Variants in ASMT observed in about 807,000 individuals in gnomAD.
ASMT encodes the protein acetylserotonin N-methyltransferase.
A neutral mutation model predicts 41.3 loss-of-function variants in ASMT; 53 were observed. The ratio of observed to expected loss-of-function variants is 1.28; its 90% CI spans 1.03 to 1.61. ASMT has a LOEUF of 1.61. ASMT is among the 40% of genes most tolerant of loss of function. The pLI, the probability that ASMT is intolerant of heterozygous loss-of-function variation, is 0.00. For synonymous variants in ASMT, 231 were observed against 184.8 expected (o/e 1.25, Z -2.03); for missense variants, 531 against 441.3 (o/e 1.20, Z -1.82).
At chrX:1,625,809 C>T (rs1168990370) in intron 3 of ASMT, among the ~76,000 whole-genome samples, 80 of 151,526 alleles carry the variant, frequency 5.3e-4, no homozygotes, top group African/African-American at 1.8e-3. Context: ...AAAAAATTAG[C>T]CGGGCGTGGT....
At chrX:1,626,560 G>A (rs759857908) in intron 3 of ASMT, among the ~76,000 whole-genome samples, 11 of 152,196 alleles carry the variant, frequency 7.2e-5, no homozygotes, top group Admixed American at 1.3e-4. Flanking sequence ...ATCTGTGATG[G>A]GTTGTTATGC....
chrX:1,630,602 G>C (rs1297071541), intron 5 of ASMT, among the ~76,000 whole-genome samples: 7 of 151,938 alleles, frequency 4.6e-5, no homozygotes, highest in Admixed American at 4.6e-4. Context: ...TGTCACCCAG[G>C]CTCGAGTGCA....
intron 2 of ASMT, chrX:1,624,065 G>T (rs1234740752): frequency 5.3e-6 from 1 of 187,094 alleles, no homozygotes; most frequent in Non-Finnish European, 1.0e-5. Context: ...AACCGAACCC[G>T]ACGGGGGTGC....
intron 4 of ASMT, among the ~76,000 whole-genome samples, chrX:1,629,473 C>G (rs1362471135): frequency 3.9e-5 from 6 of 152,170 alleles, no homozygotes; most frequent in Non-Finnish European, 8.8e-5. Flanking sequence ...ACCTCCCACC[C>G]GCTTCCTGGA....
Position 1,627,749 on chromosome X carries a change from G to C in ASMT, c.421G>C (p.Glu141Gln). 1 of 1,613,996 alleles carries C rather than the reference G, an allele frequency of 6.2e-7. No individual in the cohort carries two copies. The highest frequency in any genetic ancestry group is 8.5e-7 in the Non-Finnish European group (1 of 1,179,864). The change falls in exon 4 of 9, where the codon GAG becomes CAG. Residue 141 changes from glutamate to glutamine, a missense_variant. By Grantham distance (29) the Glu-to-Gln change is conservative. Coordinates refer to ENST00000381241, the MANE Select transcript of ASMT (RefSeq NM_001171038.2). ...GGAGACGTTTGGCGTTCCCGCTGAA[G>C]AGCTTTTTACGGCCATCTACAGGTA... ...YLETFGVPAE[E>Q]LFTAIYRSEG...
intron 8 of ASMT, among the ~76,000 whole-genome samples, chrX:1,642,309 A>G (rs6644794): frequency 0.34 from 42,828 of 126,266 alleles, 7,046 homozygotes; most frequent in South Asian, 0.57. Flanking sequence ...TGAGGTCCAT[A>G]CATCCTGATG....
chrX:1,636,179 G>A (rs1247663136), intron 7 of ASMT: 3 of 512,686 alleles, frequency 5.9e-6, no homozygotes, highest in Middle Eastern at 5.7e-4. Context: ...GGATGGTCTT[G>A]ATCTCCTGAC....
In ASMT at chrX:1,642,958, G is replaced by T; in HGVS notation, c.1066G>T (p.Asp356Tyr). Residue 356 changes from aspartate (D) to tyrosine (Y), a missense_variant, in exon 9 of 9, where the codon GAC (aspartate) becomes TAC (tyrosine). Physicochemically the swap from Asp to Tyr is radical, Grantham distance 160 (BLOSUM62 -3). Coordinates refer to ENST00000381241, the MANE Select transcript of ASMT (RefSeq NM_001171038.2). The stretch of plus-strand genomic sequence containing the variant: ...GCTCCTCTCTTCTGCTGGCTTCAGA[G>T]ACTTCCAGTTTAAGAAAACAGGAGC... ...HMLLSSAGFRDFQFKKTGAIY... is the reference protein window; with the variant it reads ...HMLLSSAGFRYFQFKKTGAIY... The T allele has an allele frequency of 6.2e-7, 1 of 1,613,962 alleles. No individual in the cohort carries two copies.
rs1315620272 is a variant in ASMT, at chrX:1,615,063, G to C, written c.-137G>C. ...TTTCTAGAGTGATCCGTCTTTGTTT[G>C]AGTACTGGGCAGGCAGCAGGGAGAG... On this transcript the variant is annotated 5_prime_UTR_variant, in exon 1 of 9. Coordinates refer to ENST00000381241, the MANE Select transcript of ASMT (RefSeq NM_001171038.2). The C allele has an allele frequency of 5.3e-6, 4 of 748,292 alleles. No homozygotes were observed. The highest frequency in any genetic ancestry group is 9.6e-6 in the Non-Finnish European group (4 of 415,292). The allele number at this position is 748,292 out of a possible 1,614,324, so 46.4% of individuals were successfully genotyped here. A position where few individuals can be genotyped will look rare whatever the true frequency, so the allele number is the denominator to read the frequency against.
At chrX:1,630,851 C>G (rs1276196416) in intron 5 of ASMT, among the ~76,000 whole-genome samples, 2 of 151,550 alleles carry the variant, frequency 1.3e-5, no homozygotes, top group African/African-American at 4.8e-5. Context: ...CGCCACCACA[C>G]CCAGGCTGAG....
intron 2 of ASMT, 119 bp from the exon 3 acceptor site, chrX:1,624,150 T>C: frequency 7.2e-7 from 1 of 1,387,382 alleles, no homozygotes. Context: ...ACCCCATCTC[T>C]AAAGAAGAGA....
intron 1 of ASMT, among the ~76,000 whole-genome samples, chrX:1,618,146 CTTTTAT>C (rs1271052462): frequency 1.1e-4 from 17 of 151,860 alleles, no homozygotes; most frequent in African/African-American, 2.4e-4. Flanking sequence ...GCCTGGCTAA[CTTTTAT>C]TTTTATTTTT....
chrX:1,636,547 C>G lies in ASMT; in HGVS notation c.897C>G (p.His299Gln), dbSNP rs773079029. ...CACACCTGCTGGAGAGGATCTACCA[C>G]ACTTGCAAGCCAGGTAAGTTGTGGG... ...KCSHLLERIY[H>Q]TCKPGGGILV... The change falls in exon 8 of 9, where the codon CAC becomes CAG. Residue 299 changes from histidine (H) to glutamine (Q), a missense_variant. His to Gln is a conservative substitution (Grantham distance 24, BLOSUM62 0). Coordinates refer to ENST00000381241, the MANE Select transcript of ASMT (RefSeq NM_001171038.2). 1 of 1,612,136 alleles carries G rather than the reference C, an allele frequency of 6.2e-7. No individual in the cohort carries two copies. The highest frequency in any genetic ancestry group is 1.7e-5 in the Admixed American group (1 of 59,812).
Position 1,641,364 on chromosome X carries a change from A to T in ASMT, c.911-1439A>T, listed in dbSNP as rs1427220335. On this transcript the variant is annotated intron_variant, in intron 8 of 8. Transcript: ENST00000381241. Reference sequence around the variant, plus strand: ...TGTGGACACAGCCTCTGTGTGTGTGATAGGGACCATGTCCCAGTGTCCTGT... The same window carrying T: ...TGTGGACACAGCCTCTGTGTGTGTGTTAGGGACCATGTCCCAGTGTCCTGT... Among the ~76,000 whole-genome samples, 4 of 123,864 alleles carry T rather than the reference A, an allele frequency of 3.2e-5. 1 individual carries two copies. Among genetic ancestry groups the T allele is most frequent in the Non-Finnish European group, 6.9e-5 (4 of 57,760 alleles). 81.3% of individuals were successfully genotyped at this position (123,864 alleles called of 152,430 possible).
chrX:1,624,381 C>T lies in ASMT; in HGVS notation c.357C>T (p.His119=). The change falls in exon 3 of 9, where the codon CAC becomes CAT. Residue 119 remains histidine (H), a synonymous_variant. Coordinates refer to ENST00000381241, the MANE Select transcript of ASMT (RefSeq NM_001171038.2). ...GGACCAGCTACCGGTGCTGGGGCCA[C>T]CTGGCAGACGCCGTGAGGTGGGGGC... The part of the protein sequence containing the change: ...MGRTSYRCWG[H]LADAVREGRN... 6.2e-7 allele frequency: 1 copy of T among 1,613,652 alleles called. No individual in the cohort carries two copies. The highest frequency in any genetic ancestry group is 8.5e-7 in the Non-Finnish European group (1 of 1,179,872).
intron 4 of ASMT, chrX:1,628,104 T>A: frequency 2.6e-6 from 1 of 383,444 alleles, no homozygotes; most frequent in Admixed American, 4.3e-5. Context: ...GTGGATCACC[T>A]GAGGTCAGGA....
chrX:1,627,746 G>GT lies in ASMT; in HGVS notation c.418_419insT (p.Glu140ValfsTer37). ...CCTGGAGACGTTTGGCGTTCCCGCT[G>GT]AAGAGCTTTTTACGGCCATCTACAG... On this transcript the variant is annotated frameshift_variant, in exon 4 of 9. Transcript: ENST00000381241. LOFTEE classifies it high-confidence loss of function. The GT allele has an allele frequency of 2.5e-6, 4 of 1,613,984 alleles. No homozygotes were observed. The highest frequency in any genetic ancestry group is 3.4e-6 in the Non-Finnish European group (4 of 1,179,860).
chrX:1,632,864 G>T (rs1213867564), intron 6 of ASMT, 77 bp downstream of exon 6: 14 of 526,954 alleles, frequency 2.7e-5, no homozygotes, highest in Admixed American at 6.3e-5. Flanking sequence ...GGCCTGGGGG[G>T]CTGGGAGGCT....
intron 1 of ASMT, among the ~76,000 whole-genome samples, chrX:1,618,980 A>G (rs772108633): frequency 6.6e-6 from 1 of 152,374 alleles, no homozygotes; most frequent in South Asian, 2.1e-4. Context: ...TCACAGAACC[A>G]GAGTTAATGC....
Sources: allele counts gnomAD v4.1 joint callset (sites outside exome capture counted in the v4.1 genomes callset), GRCh38; gene constraint gnomAD v4.1.1; transcripts MANE v1.5; gene names NCBI Gene and HGNC (gene_info 2026-07-23, HGNC 2026-07-21).